Variants in FOXP2 observed in about 807,000 individuals in gnomAD.
The protein encoded by FOXP2 is forkhead box P2, also known as forkhead box protein P2.
FOXP2 carries 12 observed loss-of-function variants against 115.8 expected under a neutral mutation model. The observed-to-expected ratio is 0.10, with a 90% CI of 0.07 to 0.17. The LOEUF (loss-of-function observed/expected upper bound fraction) is 0.17. FOXP2 is among the 10% of genes least tolerant of loss of function. FOXP2 has a pLI of 1.00. For synonymous variants in FOXP2, 328 were observed against 297.7 expected, an observed-to-expected ratio of 1.10 and a Z score of -1.05; for missense variants, 629 against 843.5, an observed-to-expected ratio of 0.75 and a Z score of 3.15.
At chr7:114,523,160 T>C (rs1798704095) in intron 2 of FOXP2, among the ~76,000 whole-genome samples, 1 of 152,138 alleles carries the variant, frequency 6.6e-6, no homozygotes, top group African/African-American at 2.4e-5. Context: ...AATTTGTAAA[T>C]TGTAAACTGG....
In FOXP2 at chr7:114,690,304, G is replaced by A. The variant is rs1039809299; in HGVS notation, c.*378G>A. 2.2e-6 allele frequency: 1 copy of A among 456,216 alleles called. No homozygotes were observed. 28.3% of individuals were successfully genotyped at this position (456,216 alleles called of 1,614,324 possible). A position where few individuals can be genotyped will look rare whatever the true frequency, so the allele number is the denominator to read the frequency against. ...AGAAAGCAAATGCGCCTCATATACTGCCAAAAATAGTGTTAGTTTCATTAA... is the reference window on the plus strand; with the variant it reads ...AGAAAGCAAATGCGCCTCATATACTACCAAAAATAGTGTTAGTTTCATTAA... On this transcript the variant is annotated 3_prime_UTR_variant, in exon 17 of 17. Transcript: ENST00000350908.
Position 114,240,085 on chromosome 7 carries a change from T to C in FOXP2, c.-101-47934T>C, listed in dbSNP as rs149713942. Among the ~76,000 whole-genome samples, 647 of 152,240 alleles carry C rather than the reference T, an allele frequency of 4.2e-3. 6 individuals carry two copies. The highest frequency in any genetic ancestry group is 0.015 in the African/African-American group (626 of 41,548). On this transcript the variant is annotated intron_variant, in intron 1 of 17. Coordinates refer to the FOXP2 transcript ENST00000634411. ...CACTCCAGCCTTCCTCATAAAATAT[T>C]CACGTGATCAAGACTGAAATTGTCC...
rs1031103968 is a variant in FOXP2, at chr7:114,433,919, C to T, written c.168+7240C>T. Among the ~76,000 whole-genome samples, 7 of 151,838 alleles carry T rather than the reference C, an allele frequency of 4.6e-5. No individual in the cohort carries two copies. In the East Asian group the frequency reaches 9.7e-4, roughly 21 times the overall value. The stretch of plus-strand genomic sequence containing the variant: ...AGCTAAAGCATATGCTACTAATTTT[C>T]TAAATTCATCTGGCAAAAGAGGAGT... On this transcript the variant is annotated intron_variant, in intron 2 of 16. Transcript: ENST00000350908.
At chr7:114,391,985 A>G (rs904766553) in intron 2 of FOXP2, among the ~76,000 whole-genome samples, 1 of 152,156 alleles carries the variant, frequency 6.6e-6, no homozygotes, top group African/African-American at 2.4e-5. Flanking sequence ...ATAATATATT[A>G]TTTATATCTT....
At chr7:114,192,862 C>T (rs868305930) in intron 1 of FOXP2, among the ~76,000 whole-genome samples, 2 of 152,118 alleles carry the variant, frequency 1.3e-5, no homozygotes, top group African/African-American at 2.4e-5. Flanking sequence ...ATTCTCAACA[C>T]CTTAGTAGAA....
At chr7:114,562,963 C>A (rs562304700) in intron 3 of FOXP2, among the ~76,000 whole-genome samples, 1 of 152,228 alleles carries the variant, frequency 6.6e-6, no homozygotes, top group African/African-American at 2.4e-5. Flanking sequence ...ACTCACAGTT[C>A]CACATGGCTG....
Position 114,672,963 on chromosome 7 carries a change from C to T in FOXP2, c.2003+8527C>T, listed in dbSNP as rs564925708. Among the ~76,000 whole-genome samples the T allele has an allele frequency of 2.0e-5, 3 of 152,282 alleles. No individual in the cohort carries two copies. In the South Asian group the frequency reaches 6.2e-4, roughly 32 times the overall value. On this transcript the variant is annotated intron_variant, in intron 16 of 16. Coordinates refer to ENST00000350908, the MANE Select transcript of FOXP2 (RefSeq NM_014491.4). ...ACAGCAGTAGGGCTCAACTACAGGA[C>T]TTTGAGGTCAAGATCTTCAAGGAGC...
rs554332836 is a variant in FOXP2, at chr7:114,276,788, G to T, written c.-101-11231G>T. 7.9e-5 allele frequency among the ~76,000 whole-genome samples: 12 copies of T among 152,246 alleles called. No homozygotes were observed. The South Asian group carries it at 1.9e-3, about 24-fold the overall frequency. On this transcript the variant is annotated intron_variant, in intron 1 of 17. Transcript: ENST00000634411. ...CTCTCTTACAGATCTTGGAAGAATT[G>T]ATTTTTCAGCCTGTTCAGCTTTTTA...
At chr7:114,432,781 A>G (rs1383846544) in intron 2 of FOXP2, among the ~76,000 whole-genome samples, 1 of 151,916 alleles carries the variant, frequency 6.6e-6, no homozygotes, top group Non-Finnish European at 1.5e-5. Context: ...GGCCTGACAT[A>G]TAGAGTTGTC....
chr7:114,387,483 G>A (rs563936879), intron 2 of FOXP2, among the ~76,000 whole-genome samples: 2 of 152,186 alleles, frequency 1.3e-5, no homozygotes, highest in African/African-American at 4.8e-5. Flanking sequence ...ATTGCTCTTG[G>A]GGAATGGCTG....
intron 3 of FOXP2, among the ~76,000 whole-genome samples, chr7:114,595,104 G>T (rs959672189): frequency 1.3e-5 from 2 of 152,028 alleles, no homozygotes; most frequent in Middle Eastern, 3.4e-3. Flanking sequence ...TAAGGAAAAG[G>T]CACCCTTATG....
chr7:114,142,288 C>G (rs1792238878), intron 1 of FOXP2, among the ~76,000 whole-genome samples: 2 of 152,302 alleles, frequency 1.3e-5, no homozygotes, highest in South Asian at 2.1e-4. Context: ...TCCCAAAGTG[C>G]TGGGATTACA....
At chr7:114,540,585 T>G (rs1394708890) in intron 3 of FOXP2, among the ~76,000 whole-genome samples, 4 of 151,906 alleles carry the variant, frequency 2.6e-5, no homozygotes, top group South Asian at 2.1e-4. Flanking sequence ...TTGGCCACAG[T>G]GGATGTGCTG....
intron 3 of FOXP2, among the ~76,000 whole-genome samples, chr7:114,576,289 G>A (rs1801571454): frequency 6.6e-6 from 1 of 151,750 alleles, no homozygotes; most frequent in South Asian, 2.1e-4. Context: ...CAACATATTA[G>A]TAATTATCTT....
At chr7:114,484,912 A>G (rs1430024084) in intron 2 of FOXP2, among the ~76,000 whole-genome samples, 1 of 151,810 alleles carries the variant, frequency 6.6e-6, no homozygotes, top group Non-Finnish European at 1.5e-5. Flanking sequence ...TAAAATTGGT[A>G]TTGGTTGGAA....
intron 3 of FOXP2, among the ~76,000 whole-genome samples, chr7:114,563,732 A>G (rs1307306689): frequency 6.6e-6 from 1 of 152,206 alleles, no homozygotes; most frequent in Non-Finnish European, 1.5e-5. Context: ...AGTCTTCCAG[A>G]AACACCTACC....
At chr7:114,435,222 T>C (rs571986095) in intron 2 of FOXP2, among the ~76,000 whole-genome samples, 78 of 152,134 alleles carry the variant, frequency 5.1e-4, no homozygotes, top group African/African-American at 1.8e-3. Flanking sequence ...ATGATAGAGG[T>C]AGATGTGCTT....
intron 2 of FOXP2, among the ~76,000 whole-genome samples, chr7:114,496,620 A>G (rs1797332683): frequency 6.6e-6 from 1 of 152,178 alleles, no homozygotes; most frequent in Non-Finnish European, 1.5e-5. Context: ...GAAGTATAGA[A>G]TTGAGTTTTA....
chr7:114,629,808 C>A lies in FOXP2; in HGVS notation c.400C>A (p.Gln134Lys). ...QQQAVMLQQQ[Q>K]LQEFYKKQQE... is the part of the protein sequence containing the mutation. Reference sequence around the variant, plus strand: ...AAAGTCAAAATGGTTTATTCAGCAACAACTACAAGAGTTTTACAAGAAACA... The same window carrying A: ...AAAGTCAAAATGGTTTATTCAGCAAAAACTACAAGAGTTTTACAAGAAACA... The change falls in exon 5 of 17, where the codon CAA (glutamine) becomes AAA (lysine). Residue 134 changes from glutamine (Q) to lysine (K), a missense_variant. This residue lies in a region of FOXP2 where 138 missense variants were observed against 205.1 expected (regional missense o/e 0.67). Transcript: ENST00000350908. 6.2e-7 allele frequency: 1 copy of A among 1,613,784 alleles called. No homozygotes were observed. Among genetic ancestry groups the A allele is most frequent in the Non-Finnish European group, 8.5e-7 (1 of 1,180,006 alleles).
Sources: gnomAD v4.1 joint callset for allele counts (sites outside exome capture counted in the v4.1 genomes callset) on GRCh38, gnomAD v4.1.1 for gene constraint, gnomAD v4.1.1 regional missense constraint, MANE v1.5 for transcripts, NCBI Gene and HGNC (gene_info 2026-07-23, HGNC 2026-07-21) for gene names.